The following TBC1D16 variants were observed in gnomAD, a reference collection of about 807,000 sequenced individuals.
TBC1D16 encodes TBC1 domain family member 16.
A neutral mutation model predicts 74.7 loss-of-function variants in TBC1D16; 58 were observed. The observed-to-expected ratio is 0.78, with a 90% confidence interval of 0.63 to 0.97. The LOEUF (loss-of-function observed/expected upper bound fraction) is 0.97, where lower values mean the gene tolerates loss of function less well. TBC1D16 is among the 50% of genes least tolerant of loss of function. TBC1D16 has a pLI of 0.00. For missense variants in TBC1D16, 1,014 were observed against 1,079.5 expected (o/e 0.94, Z 0.85); for synonymous variants, 493 against 474.7 (o/e 1.04, Z -0.50).
chr17:80,018,459 T>A (rs963412348), intron 1 of TBC1D16, among the ~76,000 whole-genome samples: 1 of 149,288 alleles, frequency 6.7e-6, no homozygotes, highest in Non-Finnish European at 1.5e-5. Flanking sequence ...TTTTTTTGTA[T>A]TTTTAGTAGA....
chr17:79,967,310 GA>G (rs1415775394), intron 3 of TBC1D16, among the ~76,000 whole-genome samples: 1 of 151,622 alleles, frequency 6.6e-6, no homozygotes, highest in Non-Finnish European at 1.5e-5. Flanking sequence ...AAGAAGATTG[GA>G]AAAAAAGGAG....
In TBC1D16 at chr17:80,013,490, G is replaced by T; in HGVS notation, c.58C>A (p.Leu20Ile). 6.3e-7 allele frequency: 1 copy of T among 1,585,664 alleles called. No homozygotes were observed. The highest frequency in any genetic ancestry group is 1.3e-5 in the African/African-American group (1 of 74,490). ...CCGCTGCCGCTGCCACCGGGGGTGA[G>T]GGTCAGGAGGTCCGAGGCTTTGGAG... is the stretch of plus-strand genomic sequence containing the variant. ...ASSKASDLLTLTPGGSGSGSP... is the reference protein window; with the variant it reads ...ASSKASDLLTITPGGSGSGSP... Residue 20 changes from leucine (L) to isoleucine (I), a missense_variant, in exon 2 of 12, where the codon CTC becomes ATC. Leu to Ile is a conservative substitution (Grantham distance 5). Coordinates refer to ENST00000310924, the MANE Select transcript of TBC1D16 (RefSeq NM_019020.4).
rs569000046 is a variant in TBC1D16, at chr17:80,010,975, G to A, written c.182-218C>T. Among the ~76,000 whole-genome samples the A allele has an allele frequency of 9.9e-5, 15 of 152,248 alleles. No individual in the cohort carries two copies. The highest frequency in any genetic ancestry group is 2.2e-4 in the African/African-American group (9 of 41,554). On this transcript the variant is annotated intron_variant, in intron 2 of 11. Coordinates refer to ENST00000310924, the MANE Select transcript of TBC1D16 (RefSeq NM_019020.4). This position sits in a 1 kb window ranked among gnomAD's most constrained non-coding sequence, Gnocchi z 8.8. ...GTGTTTTTTAAGAACACACACTTCC[G>A]GCAGATCCAGGGGGCACTGGTCCCC...
intron 1 of TBC1D16, among the ~76,000 whole-genome samples, chr17:80,024,982 C>T (rs1383331405): frequency 4.9e-5 from 3 of 61,442 alleles, no homozygotes; most frequent in Non-Finnish European, 9.8e-5. Flanking sequence ...CGTAGGCACA[C>T]ACCACACTCT....
chr17:79,941,185 G>T lies in TBC1D16; in HGVS notation c.2056-78C>A. 7.1e-7 allele frequency: 1 copy of T among 1,405,216 alleles called. No homozygotes were observed. The highest frequency in any genetic ancestry group is 9.6e-7 in the Non-Finnish European group (1 of 1,043,670). The allele number at this position is 1,405,216 out of a possible 1,614,324, so 87.0% of individuals were successfully genotyped here. A position where few individuals can be genotyped will look rare whatever the true frequency, so the allele number is the denominator to read the frequency against. On this transcript the variant is annotated intron_variant, in intron 11 of 11. Coordinates refer to ENST00000310924, the MANE Select transcript of TBC1D16 (RefSeq NM_019020.4). The surrounding 1 kb of genome is among the most constrained non-coding windows in gnomAD (Gnocchi z 4.3). Reference sequence around the variant, plus strand: ...TAGGGTCCCCATGGGAGTGGCCAAAGACAGCAACAGCAGCAACAACGGCCT... The same window carrying T: ...TAGGGTCCCCATGGGAGTGGCCAAATACAGCAACAGCAGCAACAACGGCCT...
In TBC1D16 at chr17:80,029,535, C is replaced by T. The variant is rs114199327; in HGVS notation, c.-63+6260G>A. Among the ~76,000 whole-genome samples, 1,030 of 152,326 alleles carry T rather than the reference C, an allele frequency of 6.8e-3. 11 individuals are homozygous for T. The highest frequency in any genetic ancestry group is 0.024 in the African/African-American group (990 of 41,558). ...GTGGGTCTTCTCTAGCAAATATTCA[C>T]AGGGCATGAGGTTAGGACATCTACT... On this transcript the variant is annotated intron_variant, in intron 1 of 11. Coordinates refer to ENST00000310924, the MANE Select transcript of TBC1D16 (RefSeq NM_019020.4).
intron 3 of TBC1D16, among the ~76,000 whole-genome samples, chr17:79,970,048 T>C (rs533454886): frequency 6.6e-6 from 1 of 152,328 alleles, no homozygotes; most frequent in East Asian, 1.9e-4. Context: ...GCCCATCAAC[T>C]GATGACCAGA....
At position 79,986,475 on chromosome 17, in the gene TBC1D16, G is replaced by A. The variant is rs996606985; in HGVS notation, c.779+23685C>T. On this transcript the variant is annotated intron_variant, in intron 3 of 11. Transcript: ENST00000310924. This position sits in a 1 kb window ranked among gnomAD's most constrained non-coding sequence, Gnocchi z 6.0. ...GTAAGAGGCCCCGGGATTATTTTTG[G>A]AGGGCCCCTCCCTGCAGAGCAACCA... Among the ~76,000 whole-genome samples, 1 of 152,106 alleles carries A rather than the reference G, an allele frequency of 6.6e-6. No individual in the cohort carries two copies. The highest frequency in any genetic ancestry group is 1.5e-5 in the Non-Finnish European group (1 of 68,022).
chr17:79,945,273 C>T (rs1482298821), intron 9 of TBC1D16, among the ~76,000 whole-genome samples, 186 bp from the exon 10 acceptor site: 2 of 152,206 alleles, frequency 1.3e-5, no homozygotes, highest in African/African-American at 2.4e-5. Context: ...CGGCTCACAC[C>T]TGCCTCTGCC....
chr17:80,022,914 C>A (rs147772006), intron 1 of TBC1D16, among the ~76,000 whole-genome samples: 2 of 150,078 alleles, frequency 1.3e-5, no homozygotes, highest in African/African-American at 5.1e-5. Flanking sequence ...GGATTACAGG[C>A]GTGAGCCACC....
chr17:80,023,914 T>C, intron 1 of TBC1D16: 1 of 150,182 alleles, frequency 6.7e-6, no homozygotes, highest in Non-Finnish European at 1.5e-5. Flanking sequence ...AAGAGAAATC[T>C]GAGTTTAACC....
chr17:79,967,437 G>A (rs550587610), intron 3 of TBC1D16, among the ~76,000 whole-genome samples: 1 of 152,196 alleles, frequency 6.6e-6, no homozygotes, highest in South Asian at 2.1e-4. Context: ...CAGTAAGTTT[G>A]CATTATATAA....
intron 1 of TBC1D16, among the ~76,000 whole-genome samples, chr17:80,029,357 G>A (rs1204468788): frequency 6.6e-6 from 1 of 152,142 alleles, no homozygotes; most frequent in Non-Finnish European, 1.5e-5. Context: ...TTGGGAACTG[G>A]CCAGGCTGTT....
chr17:79,952,247 G>A (rs1029816792), intron 4 of TBC1D16: 2 of 166,656 alleles, frequency 1.2e-5, no homozygotes, highest in Admixed American at 1.2e-4. Context: ...ACTAGGCATC[G>A]CCCACCCATC....
rs1364746822 is a variant in TBC1D16 at position 79,988,103 on chromosome 17, CGT to C, written c.779+22055_779+22056del. Among the ~76,000 whole-genome samples, 2 of 152,106 alleles carry C rather than the reference CGT, an allele frequency of 1.3e-5. No individual in the cohort carries two copies. The highest frequency in any genetic ancestry group is 2.9e-5 in the Non-Finnish European group (2 of 68,016). Reference sequence around the variant, plus strand: ...ACTTCTAAGTTCTTCTCTGTGAAAGCGTGTGTGTGTTTAGAAGGGAGAGGGGG... The same window carrying C: ...ACTTCTAAGTTCTTCTCTGTGAAAGCGTGTGTGTTTAGAAGGGAGAGGGGG... On this transcript the variant is annotated intron_variant, in intron 3 of 11. Transcript: ENST00000310924. The surrounding 1 kb of genome is among the most constrained non-coding windows in gnomAD (Gnocchi z 5.7).
At chr17:79,970,644 G>A (rs763765664) in intron 3 of TBC1D16, among the ~76,000 whole-genome samples, 6 of 152,158 alleles carry the variant, frequency 3.9e-5, no homozygotes, top group Non-Finnish European at 5.9e-5. Flanking sequence ...AACGGTAAAC[G>A]GGTCATGGGG....
chr17:79,947,958 G>C (rs372420972), intron 8 of TBC1D16, 127 bp from the exon 9 acceptor site: 73 of 736,844 alleles, frequency 9.9e-5, no homozygotes, highest in East Asian at 5.2e-4. Context: ...GAAGGCAGCT[G>C]TGCCACCATC....
At chr17:80,013,292 C>T in intron 2 of TBC1D16, 75 bp downstream of exon 2, 1 of 1,419,970 alleles carries the variant, frequency 7.0e-7, no homozygotes, top group Non-Finnish European at 9.5e-7. Context: ...GTGCTGTGGC[C>T]CAGGGCCTTT....
rs1158692695 is a variant in TBC1D16, at chr17:80,000,769, T to C, written c.779+9391A>G. 6.6e-6 allele frequency among the ~76,000 whole-genome samples: 1 copy of C among 151,568 alleles called. No individual in the cohort carries two copies. Among genetic ancestry groups the C allele is most frequent in the African/African-American group, 2.4e-5 (1 of 41,176 alleles). ...ACAATGCCCCCACTTCACAGAGGAG[T>C]AAACTGAGGTACAGAGTGGTTCAAC... On this transcript the variant is annotated intron_variant, in intron 3 of 11. Coordinates refer to ENST00000310924, the MANE Select transcript of TBC1D16 (RefSeq NM_019020.4). This position sits in a 1 kb window ranked among gnomAD's most constrained non-coding sequence, Gnocchi z 4.1.
Sources: allele counts gnomAD v4.1 joint callset (sites outside exome capture counted in the v4.1 genomes callset), GRCh38; gene constraint gnomAD v4.1.1; non-coding constraint Gnocchi (gnomAD v3.1); transcripts MANE v1.5; gene names NCBI Gene and HGNC (gene_info 2026-07-23, HGNC 2026-07-21).